Variants in SMG5 observed in about 807,000 individuals in gnomAD.
SMG5 encodes the protein nonsense-mediated mRNA decay factor SMG5.
SMG5 carries 53 observed loss-of-function variants against 122.9 expected under a neutral mutation model. That is an observed-to-expected ratio of 0.43 (90% CI 0.35 to 0.54). The LOEUF is 0.54. SMG5 is among the 20% of genes least tolerant of loss of function. The pLI is 0.01. For synonymous variants in SMG5, 477 were observed against 490.2 expected (o/e 0.97, Z 0.35); for missense variants, 1,153 against 1,285.6 (o/e 0.90, Z 1.58).
rs1558240133 is a variant in SMG5, at chr1:156,267,588, G to C, written c.999C>G (p.Leu333=). The C allele has an allele frequency of 6.2e-7, 1 of 1,614,056 alleles. No homozygotes were observed. Residue 333 remains leucine (L), a synonymous_variant, in exon 10 of 22, where the codon CTC becomes CTG. Transcript: ENST00000361813. ...CCTCCTCATCCTCACTGGCCAGGCTGAGGTTGGGTGAGGAGGGCAGGTAGA... is the reference window on the plus strand; with the variant it reads ...CCTCCTCATCCTCACTGGCCAGGCTCAGGTTGGGTGAGGAGGGCAGGTAGA... ...CLFYLPSSPN[L]SLASEDEEEY...
chr1:156,278,948 C>T lies in SMG5; in HGVS notation c.161G>A (p.Ser54Asn), dbSNP rs1662809099. 3 of 1,613,868 alleles carry T rather than the reference C, an allele frequency of 1.9e-6. No individual in the cohort carries two copies. Among genetic ancestry groups the T allele is most frequent in the South Asian group, 1.1e-5 (1 of 91,088 alleles). Residue 54 changes from serine (S) to asparagine (N), a missense_variant, in exon 2 of 22, where the codon AGC becomes AAC. Physicochemically the swap from Ser to Asn is conservative, Grantham distance 46. Coordinates refer to ENST00000361813, the MANE Select transcript of SMG5 (RefSeq NM_015327.3). Reference protein sequence around the residue: ...YQEVFKPENISLRNKLRELCV... With the variant: ...YQEVFKPENINLRNKLRELCV... The stretch of plus-strand genomic sequence containing the variant: ...GTCTCTAGCTTACTTGTTCCTCAGG[C>T]TAATGTTTTCTGGTTTGAATACTTC...
intron 6 of SMG5, among the ~76,000 whole-genome samples, chr1:156,272,766 C>A (rs780047135): frequency 6.6e-6 from 1 of 152,032 alleles, no homozygotes; most frequent in South Asian, 2.1e-4. Context: ...TTAGTAGAGA[C>A]GAGGTTTCAC....
rs1365996176 is a variant in SMG5, at chr1:156,273,587, G to T, written c.545-137C>A. Reference sequence around the variant, plus strand: ...ACCTGAGCTAGGAAGCAGGTTGCTGGGGTCTCTGGCACAGTCCTAAATCTG... The same window carrying T: ...ACCTGAGCTAGGAAGCAGGTTGCTGTGGTCTCTGGCACAGTCCTAAATCTG... On this transcript the variant is annotated intron_variant, in intron 5 of 21. Transcript: ENST00000361813. 5 of 750,748 alleles carry T rather than the reference G, an allele frequency of 6.7e-6. No individual in the cohort carries two copies. In the African/African-American group the frequency reaches 8.8e-5, roughly 13 times the overall value. The allele number at this position is 750,748 out of a possible 1,614,324, so 46.5% of individuals were successfully genotyped here. A position where few individuals can be genotyped will look rare whatever the true frequency, so the allele number is the denominator to read the frequency against.
chr1:156,253,977 C>T (rs1661468063), intron 16 of SMG5, among the ~76,000 whole-genome samples: 1 of 152,224 alleles, frequency 6.6e-6, no homozygotes, highest in East Asian at 1.9e-4. Context: ...CTCAGCAGCC[C>T]CATCTGCTCC....
intron 3 of SMG5, 150 bp downstream of exon 3, chr1:156,277,775 G>C: frequency 2.1e-6 from 2 of 969,284 alleles, no homozygotes; most frequent in Non-Finnish European, 3.1e-6. Context: ...GCCTCCCAAA[G>C]TGCTGGGATT....
At position 156,266,370 on chromosome 1, in the gene SMG5, CTCTGGTTCA is replaced by C; in HGVS notation, c.1257_1265del (p.Asp419_Pro421del). On this transcript the variant is annotated inframe_deletion and splice_region_variant, in exon 12 of 22. Transcript: ENST00000361813. ...CCTCTTTCTCCACAGGTTCCTTGGA[CTCTGGTTCA>C]TCTGCGGAAAGAGGAAGGTCAGGTG... The C allele has an allele frequency of 1.2e-6, 2 of 1,611,476 alleles. No individual in the cohort carries two copies. The highest frequency in any genetic ancestry group is 2.7e-5 in the African/African-American group (2 of 74,956).
chr1:156,267,428 C>G (rs759660086), intron 10 of SMG5, 42 bp downstream of exon 10: 2 of 1,598,748 alleles, frequency 1.3e-6, no homozygotes, highest in South Asian at 2.2e-5. Context: ...TGAGGATCCC[C>G]AAAGCCAGTG....
intron 7 of SMG5, among the ~76,000 whole-genome samples, chr1:156,269,390 G>T (rs1572589841): frequency 6.6e-6 from 1 of 152,300 alleles, no homozygotes; most frequent in East Asian, 1.9e-4. Flanking sequence ...TTACAAGTGT[G>T]AGACACTATG....
chr1:156,253,123 C>A, intron 17 of SMG5, 45 bp from the exon 18 acceptor site: 1 of 1,524,252 alleles, frequency 6.6e-7, no homozygotes, highest in Non-Finnish European at 8.8e-7. Flanking sequence ...GGGACCCCTG[C>A]AGCCGGGCCG....
intron 17 of SMG5, 80 bp downstream of exon 17, chr1:156,253,369 G>A (rs1469674349): frequency 1.8e-5 from 26 of 1,424,316 alleles, no homozygotes; most frequent in Non-Finnish European, 2.3e-5. Flanking sequence ...GGACTACAGC[G>A]GAAGGGGGAG....
chr1:156,263,325 C>A, intron 13 of SMG5, 70 bp downstream of exon 13: 2 of 1,514,048 alleles, frequency 1.3e-6, no homozygotes, highest in East Asian at 2.3e-5. Flanking sequence ...GATCCTCAGG[C>A]CCCATCCTGG....
intron 7 of SMG5, 150 bp downstream of exon 7, chr1:156,272,170 T>G: frequency 1.4e-6 from 1 of 696,448 alleles, no homozygotes; most frequent in Non-Finnish European, 2.4e-6. Flanking sequence ...CAGGGCTGTG[T>G]CAGAGTCCCC....
At chr1:156,256,875 C>T (rs1471655102) in intron 16 of SMG5, among the ~76,000 whole-genome samples, 1 of 151,940 alleles carries the variant, frequency 6.6e-6, no homozygotes, top group Non-Finnish European at 1.5e-5. Context: ...ACCGACTATA[C>T]TTTCTGATCT....
intron 4 of SMG5, among the ~76,000 whole-genome samples, chr1:156,275,431 G>C (rs1487042431): frequency 1.3e-5 from 2 of 152,186 alleles, no homozygotes; most frequent in Non-Finnish European, 2.9e-5. Flanking sequence ...ACTTGTCTAA[G>C]CATTCTACAG....
chr1:156,287,701 C>T (rs930810511), upstream of SMG5, among the ~76,000 whole-genome samples: 2 of 150,570 alleles, frequency 1.3e-5, no homozygotes, highest in South Asian at 2.1e-4. Context: ...ACTACAATCT[C>T]CACCTACTGG....
chr1:156,279,548 A>G (rs1208366678), intron 1 of SMG5, among the ~76,000 whole-genome samples: 2 of 152,218 alleles, frequency 1.3e-5, no homozygotes, highest in African/African-American at 4.8e-5. Context: ...AGCCTTAGTT[A>G]CCACATCAAT....
intron 2 of SMG5, 106 bp from the exon 3 acceptor site, chr1:156,278,154 G>A (rs1328884140): frequency 4.3e-5 from 62 of 1,434,814 alleles, no homozygotes; most frequent in Non-Finnish European, 5.4e-5. Flanking sequence ...AACAAATCTC[G>A]GTGCTTCCCA....
At chr1:156,262,408 G>A (rs775249975) in intron 13 of SMG5, among the ~76,000 whole-genome samples, 17 of 148,170 alleles carry the variant, frequency 1.1e-4, no homozygotes, top group African/African-American at 1.5e-4. Flanking sequence ...CCTAGGAGGC[G>A]GAACTTGCAG....
chr1:156,281,147 A>C (rs1395238572), intron 1 of SMG5, among the ~76,000 whole-genome samples: 4 of 152,252 alleles, frequency 2.6e-5, no homozygotes, highest in Non-Finnish European at 5.9e-5. Flanking sequence ...TTATAAAAAC[A>C]GTGATTGGCT....
Sources: gnomAD v4.1 joint callset for allele counts (sites outside exome capture counted in the v4.1 genomes callset) on GRCh38, gnomAD v4.1.1 for gene constraint, MANE v1.5 for transcripts, NCBI Gene and HGNC (gene_info 2026-07-23, HGNC 2026-07-21) for gene names.